Variants in SLC14A1 observed in about 807,000 individuals in gnomAD.
The protein encoded by SLC14A1 is urea transporter 1.
A neutral mutation model predicts 39.6 loss-of-function variants in SLC14A1; 36 were observed. That is an observed-to-expected ratio of 0.91 (90% CI 0.70 to 1.20). The LOEUF is 1.20. Ranked by LOEUF, SLC14A1 falls within the 50% of genes most tolerant of loss-of-function variation. The pLI, the probability that SLC14A1 is intolerant of heterozygous loss-of-function variation, is 0.00. For missense variants in SLC14A1, 469 were observed against 478.7 expected (o/e 0.98, Z 0.19); for synonymous variants, 164 against 173.6 (o/e 0.94, Z 0.43).
At chr18:45,744,692 A>G (rs1365312481) in intron 8 of SLC14A1, among the ~76,000 whole-genome samples, 1 of 152,098 alleles carries the variant, frequency 6.6e-6, no homozygotes, top group African/African-American at 2.4e-5. Flanking sequence ...GAGCCCTCAT[A>G]TCTTCCTTTA....
chr18:45,728,101 G>C lies in SLC14A1; in HGVS notation c.-21-2199G>C, dbSNP rs558329670. The stretch of plus-strand genomic sequence containing the variant: ...TATGTTGAAATTAGATTCACAAATG[G>C]CAATAAGTCTTCTATATGTTGGGCT... On this transcript the variant is annotated intron_variant, in intron 2 of 9. Coordinates refer to ENST00000321925, the MANE Select transcript of SLC14A1 (RefSeq NM_015865.7). 3.8e-4 allele frequency among the ~76,000 whole-genome samples: 58 copies of C among 152,272 alleles called. 1 individual carries two copies. The highest frequency in any genetic ancestry group is 1.3e-3 in the African/African-American group (55 of 41,550).
intron 2 of SLC14A1, chr18:45,727,419 G>T: frequency 6.5e-7 from 1 of 1,539,500 alleles, no homozygotes. Context: ...GCAGGAACAG[G>T]TATGCTTCCT....
chr18:45,730,270 G>A (rs764336088), intron 2 of SLC14A1, 30 bp from the exon 3 acceptor site: 3 of 1,597,758 alleles, frequency 1.9e-6, no homozygotes, highest in Admixed American at 1.7e-5. Flanking sequence ...CTGCCTTAGG[G>A]ATACTTATAA....
At chr18:45,740,784 C>G (rs567793942) in intron 8 of SLC14A1, among the ~76,000 whole-genome samples, 37 of 152,222 alleles carry the variant, frequency 2.4e-4, no homozygotes, top group African/African-American at 8.9e-4. Flanking sequence ...GCAATCCTCC[C>G]GCCTCCACCT....
At chr18:45,735,868 C>T (rs763081358) in intron 5 of SLC14A1, among the ~76,000 whole-genome samples, 6 of 152,208 alleles carry the variant, frequency 3.9e-5, no homozygotes, top group Admixed American at 6.5e-5. Flanking sequence ...CCATGCAGCC[C>T]AGCCCCACAG....
intron 8 of SLC14A1, among the ~76,000 whole-genome samples, chr18:45,746,899 G>A (rs2047559799): frequency 6.6e-6 from 1 of 152,200 alleles, no homozygotes; most frequent in South Asian, 2.1e-4. Context: ...AAATAAAATG[G>A]CAGAGCTGGG....
chr18:45,750,934 C>T lies in SLC14A1; in HGVS notation c.*983C>T. 1.0e-6 allele frequency: 1 copy of T among 984,478 alleles called. No individual in the cohort carries two copies. The highest frequency in any genetic ancestry group is 1.2e-6 in the Non-Finnish European group (1 of 829,096). 61.0% of individuals were successfully genotyped at this position (984,478 alleles called of 1,614,324 possible). ...AAGACTGAAGGCAAAGGTCAGATTG[C>T]TTACGGGTGTTATTTTTATAAGTTG... On this transcript the variant is annotated 3_prime_UTR_variant, in exon 10 of 10. Transcript: ENST00000321925.
At position 45,736,521 on chromosome 18, in the gene SLC14A1, C is replaced by T; in HGVS notation, c.536C>T (p.Pro179Leu). Reference protein sequence around the residue: ...SKWDLPVFTLPFNMALSMYLS... With the variant: ...SKWDLPVFTLLFNMALSMYLS... The stretch of plus-strand genomic sequence containing the variant: ...TGGGACCTCCCCGTCTTCACCCTCC[C>T]TTTCAACATGGCGTTGTCAATGTAC... Residue 179 changes from proline to leucine, a missense_variant, in exon 6 of 10, where the codon CCT becomes CTT. Physicochemically the swap from Pro to Leu is moderately conservative, Grantham distance 98. Transcript: ENST00000321925. 1 of 1,614,238 alleles carries T rather than the reference C, an allele frequency of 6.2e-7. No individual in the cohort carries two copies. Among genetic ancestry groups the T allele is most frequent in the Non-Finnish European group, 8.5e-7 (1 of 1,180,034 alleles).
rs1357007784 is a variant in SLC14A1, at chr18:45,736,475, T to C, written c.490T>C (p.Leu164=). 5.0e-6 allele frequency: 8 copies of C among 1,614,096 alleles called. No homozygotes were observed. The highest frequency in any genetic ancestry group is 1.6e-4 in the Middle Eastern group (1 of 6,084). ...SMTCPIFSSA[L]NSMLSKWDLP... The stretch of plus-strand genomic sequence containing the variant: ...TTTTAGCCCAATTTTCTCAAGTGCA[T>C]TGAATTCCATGCTCAGCAAATGGGA... The change falls in exon 6 of 10, where the codon TTG becomes CTG. Residue 164 remains leucine (L), a synonymous_variant. Transcript: ENST00000321925.
intron 6 of SLC14A1, chr18:45,737,398 T>C (rs1036326798): frequency 6.6e-6 from 1 of 152,368 alleles, no homozygotes; most frequent in African/African-American, 2.4e-5. Context: ...AATAAATATG[T>C]TTAAGGTTTC....
chr18:45,724,514 G>A (rs1368370203), intron 1 of SLC14A1, among the ~76,000 whole-genome samples: 2 of 152,266 alleles, frequency 1.3e-5, no homozygotes, highest in African/African-American at 4.8e-5. Context: ...GGTGCATGCA[G>A]CACCTGAGCT....
rs745349209 is a variant in SLC14A1, at chr18:45,736,507, C to T, written c.522C>T (p.Pro174=). 1.1e-5 allele frequency: 18 copies of T among 1,613,914 alleles called. No individual in the cohort carries two copies. The African/African-American group carries it at 1.2e-4, about 11-fold the overall frequency. The change falls in exon 6 of 10, where the codon CCC becomes CCT. Residue 174 remains proline, a synonymous_variant. Coordinates refer to ENST00000321925, the MANE Select transcript of SLC14A1 (RefSeq NM_015865.7). Reference sequence around the variant, plus strand: ...CCATGCTCAGCAAATGGGACCTCCCCGTCTTCACCCTCCCTTTCAACATGG... The same window carrying T: ...CCATGCTCAGCAAATGGGACCTCCCTGTCTTCACCCTCCCTTTCAACATGG... ...LNSMLSKWDL[P]VFTLPFNMAL... is the part of the protein sequence containing the mutation.
intron 4 of SLC14A1, among the ~76,000 whole-genome samples, chr18:45,733,754 A>T (rs1346687411): frequency 1.3e-5 from 2 of 152,190 alleles, no homozygotes; most frequent in Non-Finnish European, 2.9e-5. Context: ...CACTGGAGAC[A>T]GGTACCTGTC....
At chr18:45,746,645 T>C (rs565755462) in intron 8 of SLC14A1, among the ~76,000 whole-genome samples, 2 of 152,202 alleles carry the variant, frequency 1.3e-5, no homozygotes, top group African/African-American at 2.4e-5. Flanking sequence ...AATTAATTGA[T>C]TAAATTTCAA....
At chr18:45,728,193 G>A (rs574071324) in intron 2 of SLC14A1, among the ~76,000 whole-genome samples, 4 of 152,142 alleles carry the variant, frequency 2.6e-5, no homozygotes, top group East Asian at 1.9e-4. Context: ...GACTCGGGCC[G>A]CTCAGGCTCT....
At chr18:45,735,717 G>A (rs1454757198) in intron 5 of SLC14A1, among the ~76,000 whole-genome samples, 1 of 152,216 alleles carries the variant, frequency 6.6e-6, no homozygotes, top group Non-Finnish European at 1.5e-5. Flanking sequence ...CTGCTCTGAA[G>A]AATAGGTTCG....
chr18:45,739,256 T>C lies in SLC14A1; in HGVS notation c.757T>C (p.Ser253Pro), dbSNP rs371769347. 3 of 1,614,024 alleles carry C rather than the reference T, an allele frequency of 1.9e-6. No individual in the cohort carries two copies. The African/African-American group carries it at 4.0e-5, about 22-fold the overall frequency. The change falls in exon 7 of 10, where the codon TCC becomes CCC. Residue 253 changes from serine (S) to proline (P), a missense_variant. Physicochemically the swap from Ser to Pro is moderately conservative, Grantham distance 74. Coordinates refer to ENST00000321925, the MANE Select transcript of SLC14A1 (RefSeq NM_015865.7). ...GIFLGAILLS[S>P]PLMCLHAAIG... ...TTTCCTGGGAGCCATCCTACTCTCC[T>C]CCCCACTCATGTGCCTGCATGCTGC...
At chr18:45,746,600 C>G (rs28898894) in intron 8 of SLC14A1, among the ~76,000 whole-genome samples, 2,461 of 152,212 alleles carry the variant, frequency 0.016, 73 homozygotes, top group African/African-American at 0.056. Context: ...ACAGAGGGCC[C>G]CAGTGCTTGG....
In SLC14A1 at chr18:45,730,374, T is replaced by G. The variant is rs565829078; in HGVS notation, c.54T>G (p.Gly18=). Residue 18 remains glycine (G), a synonymous_variant, in exon 3 of 10, where the codon GGT becomes GGG. Coordinates refer to ENST00000321925, the MANE Select transcript of SLC14A1 (RefSeq NM_015865.7). ...VRVDSPTMVR[G]ENQVSPCQGR... is the part of the protein sequence containing the mutation. ...TGGACAGCCCCACTATGGTTAGGGG[T>G]GAAAACCAGGTTTCGCCATGTCAAG... The G allele has an allele frequency of 6.2e-7, 1 of 1,614,112 alleles. No individual in the cohort carries two copies. Among genetic ancestry groups the G allele is most frequent in the Non-Finnish European group, 8.5e-7 (1 of 1,180,008 alleles).
Sources: allele counts gnomAD v4.1 joint callset (sites outside exome capture counted in the v4.1 genomes callset), GRCh38; gene constraint gnomAD v4.1.1; transcripts MANE v1.5; gene names NCBI Gene and HGNC (gene_info 2026-07-23, HGNC 2026-07-21).